The following PSAP variants were observed in gnomAD, a reference collection of about 807,000 sequenced individuals.
PSAP encodes the protein prosaposin.
PSAP carries 25 observed loss-of-function variants against 66.0 expected under a neutral mutation model. The ratio of observed to expected loss-of-function variants is 0.38; its 90% confidence interval spans 0.28 to 0.53. PSAP has a LOEUF of 0.53. Ranked by LOEUF, PSAP falls within the 20% of genes least tolerant of loss-of-function variation. The probability of loss-of-function intolerance (pLI) is 0.83; values close to 1 mark genes in which losing one functional copy is unlikely to be tolerated. For missense variants in PSAP, 649 were observed against 668.8 expected (o/e 0.97, Z 0.33); for synonymous variants, 273 against 258.9 (o/e 1.05, Z -0.52).
chr10:71,845,376 G>A (rs567484501), intron 1 of PSAP, among the ~76,000 whole-genome samples: 2 of 152,288 alleles, frequency 1.3e-5, no homozygotes, highest in South Asian at 4.1e-4. Context: ...CTTAACCTGG[G>A]TGTTGCGTAC....
intron 2 of PSAP, 135 bp from the exon 3 acceptor site, chr10:71,832,055 G>A (rs1408763637): frequency 1.2e-5 from 11 of 880,726 alleles, no homozygotes; most frequent in Non-Finnish European, 2.0e-5. Context: ...GTCACATCCT[G>A]GTTCTCCACC....
At chr10:71,818,159 A>G (rs1195024715) in intron 13 of PSAP, among the ~76,000 whole-genome samples, 2 of 152,244 alleles carry the variant, frequency 1.3e-5, no homozygotes, top group African/African-American at 2.4e-5. Context: ...GGCCAGGGCC[A>G]CAGTGCCCTA....
rs544937241 is a variant in PSAP, at chr10:71,823,987, G to A, written c.777+1850C>T. ...GAAAAATTAAAACAACAATCAAGCA[G>A]TTAACCAGGTGTAAGGATGTCCCAA... On this transcript the variant is annotated intron_variant, in intron 7 of 13. Coordinates refer to ENST00000394936, the MANE Select transcript of PSAP (RefSeq NM_002778.4). The A allele has an allele frequency of 8.1e-5, 81 of 1,000,832 alleles. No homozygotes were observed. The East Asian group carries it at 3.6e-3, about 44-fold the overall frequency. 62.0% of individuals were successfully genotyped at this position (1,000,832 alleles called of 1,614,324 possible).
intron 1 of PSAP, among the ~76,000 whole-genome samples, chr10:71,843,601 T>A (rs902800516): frequency 3.3e-5 from 5 of 152,246 alleles, no homozygotes; most frequent in African/African-American, 1.2e-4. Context: ...GAATTTACAA[T>A]TTTTACATTT....
chr10:71,843,098 G>C (rs1842757057), intron 1 of PSAP, among the ~76,000 whole-genome samples: 1 of 152,162 alleles, frequency 6.6e-6, no homozygotes, highest in Non-Finnish European at 1.5e-5. Context: ...AATAAAGCAA[G>C]GTGGGGTGGG....
chr10:71,828,339 G>A (rs1842435632), intron 5 of PSAP, among the ~76,000 whole-genome samples, 182 bp from the exon 6 acceptor site: 1 of 152,128 alleles, frequency 6.6e-6, no homozygotes, highest in African/African-American at 2.4e-5. Context: ...TAACAGTATG[G>A]TATAAAAAGG....
At chr10:71,835,644 G>A (rs905357940) in intron 1 of PSAP, among the ~76,000 whole-genome samples, 4 of 151,950 alleles carry the variant, frequency 2.6e-5, no homozygotes, top group African/African-American at 9.7e-5. Flanking sequence ...CAAAAAAATG[G>A]GGAAAAAAAT....
chr10:71,821,771 C>T (rs1842303965), intron 8 of PSAP, 105 bp downstream of exon 8: 2 of 1,495,622 alleles, frequency 1.3e-6, no homozygotes, highest in Non-Finnish European at 1.8e-6. Flanking sequence ...AGGAGCCAGG[C>T]AGGGAACCGA....
intron 1 of PSAP, among the ~76,000 whole-genome samples, chr10:71,835,150 G>A (rs1403082321): frequency 1.3e-5 from 2 of 152,022 alleles, no homozygotes; most frequent in Non-Finnish European, 2.9e-5. Context: ...GCTGAGGCAG[G>A]AGAATGGCGT....
chr10:71,849,917 A>T (rs915687624), intron 1 of PSAP, among the ~76,000 whole-genome samples: 4 of 152,116 alleles, frequency 2.6e-5, no homozygotes, highest in African/African-American at 9.7e-5. Context: ...GATTTTTTTT[A>T]GCTTGCCCAA....
intron 1 of PSAP, among the ~76,000 whole-genome samples, chr10:71,847,011 C>T (rs1214788283): frequency 1.3e-5 from 2 of 152,166 alleles, no homozygotes; most frequent in African/African-American, 2.4e-5. Flanking sequence ...AGCAACACCC[C>T]GCCCTACCCT....
chr10:71,827,934 G>A, intron 6 of PSAP, 80 bp downstream of exon 6: 1 of 1,573,112 alleles, frequency 6.4e-7, no homozygotes, highest in South Asian at 1.1e-5. Flanking sequence ...GAAGGATGTT[G>A]TCTGAACGCC....
intron 2 of PSAP, among the ~76,000 whole-genome samples, chr10:71,832,885 C>T (rs983662102): frequency 2.6e-5 from 4 of 151,782 alleles, no homozygotes; most frequent in African/African-American, 9.7e-5. Flanking sequence ...GGCATGGTGG[C>T]GTACACCTAT....
At chr10:71,833,032 C>CAAAAA (rs1220122223) in intron 2 of PSAP, among the ~76,000 whole-genome samples, 1 of 95,360 alleles carries the variant, frequency 1.0e-5, no homozygotes, top group Non-Finnish European at 2.0e-5. Context: ...AAAAAAAAAA[C>CAAAAA]AAAAAACAAA....
At position 71,822,684 on chromosome 10, in the gene PSAP, G is replaced by A. The variant is rs376718605; in HGVS notation, c.778-677C>T. ...GACCATGACACTCTGATGGCCAAGAGTGAGACAAGTGTATAGACTCTGTAT... is the reference window on the plus strand; with the variant it reads ...GACCATGACACTCTGATGGCCAAGAATGAGACAAGTGTATAGACTCTGTAT... On this transcript the variant is annotated intron_variant, in intron 7 of 13. Coordinates refer to ENST00000394936, the MANE Select transcript of PSAP (RefSeq NM_002778.4). The A allele has an allele frequency of 3.5e-3, 1,639 of 471,446 alleles. 33 individuals are homozygous for A. The highest frequency in any genetic ancestry group is 0.025 in the South Asian group (1,583 of 64,392). The allele number at this position is 471,446 out of a possible 1,614,324, so 29.2% of individuals were successfully genotyped here.
rs552463746 is a variant in PSAP at position 71,820,719 on chromosome 10, A to C, written c.910-384T>G. 2.6e-5 allele frequency among the ~76,000 whole-genome samples: 4 copies of C among 152,254 alleles called. No individual in the cohort carries two copies. The East Asian group carries it at 7.7e-4, about 29-fold the overall frequency. On this transcript the variant is annotated intron_variant, in intron 8 of 13. Transcript: ENST00000394936. Reference sequence around the variant, plus strand: ...GGACCAAAAGCAAAGTGAGGGGCTCACTATCGGTCCACTATCTAGAAGACA... The same window carrying C: ...GGACCAAAAGCAAAGTGAGGGGCTCCCTATCGGTCCACTATCTAGAAGACA...
chr10:71,842,075 A>T (rs1247963077), intron 1 of PSAP, among the ~76,000 whole-genome samples: 1 of 152,052 alleles, frequency 6.6e-6, no homozygotes, highest in Non-Finnish European at 1.5e-5. Context: ...TCTGCAAATC[A>T]TCTAAACCAG....
At chr10:71,839,780 G>A (rs1487997930) in intron 1 of PSAP, among the ~76,000 whole-genome samples, 1 of 152,166 alleles carries the variant, frequency 6.6e-6, no homozygotes, top group Non-Finnish European at 1.5e-5. Context: ...CTTGAACTCA[G>A]GAGGCAGAGG....
intron 1 of PSAP, among the ~76,000 whole-genome samples, chr10:71,845,460 T>G (rs1481311429): frequency 2.0e-5 from 3 of 152,118 alleles, no homozygotes; most frequent in African/African-American, 7.2e-5. Context: ...AAACAGTCAG[T>G]AGAATATACT....
Sources: allele counts gnomAD v4.1 joint callset (sites outside exome capture counted in the v4.1 genomes callset), GRCh38; gene constraint gnomAD v4.1.1; transcripts MANE v1.5; gene names NCBI Gene and HGNC (gene_info 2026-07-23, HGNC 2026-07-21).